Variants in MIA2 observed in about 807,000 individuals in gnomAD.
MIA2 encodes the protein melanoma inhibitory activity protein 2.
A neutral mutation model predicts 167.8 loss-of-function variants in MIA2; 127 were observed. The ratio of observed to expected loss-of-function variants is 0.76; its 90% CI spans 0.66 to 0.88. The LOEUF (loss-of-function observed/expected upper bound fraction) is 0.88, where lower values mean the gene tolerates loss of function less well. Ranked by LOEUF, MIA2 falls within the 40% of genes least tolerant of loss-of-function variation. The pLI, the probability that MIA2 is intolerant of heterozygous loss-of-function variation, is 0.00. For synonymous variants in MIA2, 552 were observed against 541.9 expected (o/e 1.02, Z -0.26); for missense variants, 1,690 against 1,624.7 (o/e 1.04, Z -0.69).
intron 6 of MIA2, chr14:39,267,340 C>T (rs2055992522): frequency 1.9e-6 from 3 of 1,562,666 alleles, no homozygotes; most frequent in East Asian, 4.6e-5. Context: ...CCGCAGTGGT[C>T]CACTCCGGTT....
Position 39,236,859 on chromosome 14 carries a change from T to A in MIA2, c.116-63T>A, listed in dbSNP as rs547186818. 2.0e-4 allele frequency: 297 copies of A among 1,453,646 alleles called. No individual in the cohort carries two copies. In the African/African-American group the frequency reaches 2.9e-3, roughly 14 times the overall value. The allele number at this position is 1,453,646 out of a possible 1,614,324, so 90.0% of individuals were successfully genotyped here. A position where few individuals can be genotyped will look rare whatever the true frequency, so the allele number is the denominator to read the frequency against. On this transcript the variant is annotated intron_variant, in intron 1 of 28. Transcript: ENST00000640607. The stretch of plus-strand genomic sequence containing the variant: ...TAGGATGGATTGAGGGACAGCAAGA[T>A]GAAAGGAGGAGAAATATCATTTTAA...
At chr14:39,258,779 T>C (rs1449304547) in intron 6 of MIA2, among the ~76,000 whole-genome samples, 2 of 151,994 alleles carry the variant, frequency 1.3e-5, no homozygotes, top group African/African-American at 4.8e-5. Context: ...TGTGTGGGGG[T>C]CCTTTATGTT....
At chr14:39,234,442 G>T (rs1220880690) in intron 1 of MIA2, among the ~76,000 whole-genome samples, 1 of 152,042 alleles carries the variant, frequency 6.6e-6, no homozygotes, top group African/African-American at 2.4e-5. Flanking sequence ...AAATCAGTCT[G>T]CTATAGAAAT....
chr14:39,248,283 G>T, intron 4 of MIA2, 142 bp downstream of exon 4: 1 of 533,256 alleles, frequency 1.9e-6, no homozygotes. Context: ...GTTTACTCTG[G>T]AATTTAGATC....
At chr14:39,289,115 G>C (rs2060368637) in intron 9 of MIA2, among the ~76,000 whole-genome samples, 1 of 152,022 alleles carries the variant, frequency 6.6e-6, no homozygotes, top group Admixed American at 6.5e-5. Flanking sequence ...GCTTTTCTTT[G>C]TTGGGAGGTC....
intron 7 of MIA2, 110 bp from the exon 8 acceptor site, chr14:39,279,227 C>A: frequency 1.8e-5 from 13 of 718,314 alleles, no homozygotes; most frequent in Non-Finnish European, 2.7e-5. Context: ...TGTATTTATA[C>A]AAAGGCAATA....
intron 2 of MIA2, among the ~76,000 whole-genome samples, chr14:39,238,260 C>T (rs1190076964): frequency 6.6e-6 from 1 of 151,636 alleles, no homozygotes; most frequent in African/African-American, 2.4e-5. Flanking sequence ...GCAACCTCTA[C>T]TTCCCGGGTT....
rs79887514 is a variant in MIA2, at chr14:39,370,048, A to G, written c.2249-16837A>G. ...AATCAGACAAAGAATAAATGACAAC[A>G]TAAGAATGAATTTTGTTTACAGCAA... On this transcript the variant is annotated intron_variant, in intron 23 of 23. Coordinates refer to the MIA2 transcript ENST00000341502. 5.1e-3 allele frequency among the ~76,000 whole-genome samples: 780 copies of G among 152,372 alleles called. 1 individual carries two copies. Among genetic ancestry groups the G allele is most frequent in the African/African-American group, 0.013 (535 of 41,584 alleles).
Position 39,233,975 on chromosome 14 carries a change from T to C in MIA2, c.-140T>C, listed in dbSNP as rs2053623715. ...ACAAGCCGATAGAAAAAGGTAGTTA[T>C]CAAGAGATTTTTAAAACTTCAACCC... On this transcript the variant is annotated 5_prime_UTR_variant, in exon 1 of 29. Coordinates refer to ENST00000640607, the MANE Select transcript of MIA2 (RefSeq NM_001329214.4). The C allele has an allele frequency of 2.0e-6, 1 of 506,780 alleles. No individual in the cohort carries two copies. The highest frequency in any genetic ancestry group is 3.5e-6 in the Non-Finnish European group (1 of 285,202). 31.4% of individuals were successfully genotyped at this position (506,780 alleles called of 1,614,324 possible).
At chr14:39,237,324 C>T (rs998245619) in intron 2 of MIA2, 30 of 410,884 alleles carry the variant, frequency 7.3e-5, no homozygotes, top group African/African-American at 3.9e-4. Flanking sequence ...GACAGCATTT[C>T]ACTCTGTTGC....
Position 39,247,532 on chromosome 14 carries a change from TTTGGAGATGAGGATACAGGGC to T in MIA2, c.962_982del (p.Gly321_Leu327del). On this transcript the variant is annotated inframe_deletion, in exon 4 of 29. Transcript: ENST00000640607. ...TGGAGGATTTACAAGTTATTTAGGT[TTTGGAGATGAGGATACAGGGC>T]TTGAATTAATAGCTGAAGAAAGCAA... 5 of 1,614,024 alleles carry T rather than the reference TTTGGAGATGAGGATACAGGGC, an allele frequency of 3.1e-6. No individual in the cohort carries two copies. The East Asian group carries it at 8.9e-5, about 29-fold the overall frequency.
chr14:39,345,476 A>C (rs2073038030), intron 25 of MIA2, among the ~76,000 whole-genome samples: 1 of 152,190 alleles, frequency 6.6e-6, no homozygotes, highest in Non-Finnish European at 1.5e-5. Context: ...CTTTGATGAC[A>C]AATTATCACC....
At chr14:39,334,124 T>C (rs2069669064) in intron 25 of MIA2, among the ~76,000 whole-genome samples, 1 of 151,810 alleles carries the variant, frequency 6.6e-6, no homozygotes, top group African/African-American at 2.4e-5. Context: ...CATTCCTACC[T>C]AAAGTTAAAA....
intron 4 of MIA2, among the ~76,000 whole-genome samples, chr14:39,249,209 C>A (rs1282776910): frequency 6.6e-6 from 1 of 152,158 alleles, no homozygotes; most frequent in Admixed American, 6.6e-5. Flanking sequence ...GGTGCGATCA[C>A]AGTTCACTGC....
chr14:39,354,013 C>T (rs1052822501), downstream of MIA2, among the ~76,000 whole-genome samples: 3 of 152,248 alleles, frequency 2.0e-5, no homozygotes, highest in East Asian at 3.9e-4. Context: ...TGAATAGTGC[C>T]GCAGTAAACA....
intron 23 of MIA2, among the ~76,000 whole-genome samples, chr14:39,358,767 A>G (rs2139267676): frequency 6.6e-6 from 1 of 152,210 alleles, no homozygotes; most frequent in Non-Finnish European, 1.5e-5. Context: ...TTTTCCTTCT[A>G]ACAGTCAGGA....
chr14:39,238,188 T>C (rs1045695038), intron 2 of MIA2, among the ~76,000 whole-genome samples: 2 of 151,700 alleles, frequency 1.3e-5, no homozygotes, highest in African/African-American at 2.4e-5. Context: ...TTTTTTTTTT[T>C]TATTGAGACA....
At chr14:39,248,739 G>T (rs1748447764) in intron 4 of MIA2, among the ~76,000 whole-genome samples, 1 of 151,966 alleles carries the variant, frequency 6.6e-6, no homozygotes, top group African/African-American at 2.4e-5. Flanking sequence ...CTAAGCTAAG[G>T]GAAACTTTTT....
At chr14:39,349,675 C>T (rs775677001) in intron 28 of MIA2, among the ~76,000 whole-genome samples, 6 of 152,018 alleles carry the variant, frequency 3.9e-5, no homozygotes, top group Admixed American at 6.6e-5. Context: ...TTTAAGGTGG[C>T]CTTTGATATT....
Sources: gnomAD v4.1 joint callset for allele counts (sites outside exome capture counted in the v4.1 genomes callset) on GRCh38, gnomAD v4.1.1 for gene constraint, MANE v1.5 for transcripts, NCBI Gene and HGNC (gene_info 2026-07-23, HGNC 2026-07-21) for gene names.